The following TRIO variants were observed in gnomAD, a reference collection of about 807,000 sequenced individuals.
TRIO encodes the protein trio Rho guanine nucleotide exchange factor, also known as triple functional domain protein.
TRIO carries 58 observed loss-of-function variants against 351.9 expected under a neutral mutation model. The ratio of observed to expected loss-of-function variants is 0.16; its 90% CI spans 0.13 to 0.21. TRIO has a LOEUF of 0.21. Ranked by LOEUF, TRIO falls within the 10% of genes least tolerant of loss-of-function variation. The pLI, the probability that TRIO is intolerant of heterozygous loss-of-function variation, is 1.00. For synonymous variants in TRIO, 1,758 were observed against 1,595.7 expected, an observed-to-expected ratio of 1.10 and a Z score of -2.42; for missense variants, 3,201 against 4,027.8, an observed-to-expected ratio of 0.79 and a Z score of 5.56.
intron 1 of TRIO, among the ~76,000 whole-genome samples, chr5:14,148,394 T>C (rs557162974): frequency 2.6e-5 from 4 of 152,312 alleles, no homozygotes; most frequent in Middle Eastern, 3.4e-3. Flanking sequence ...ACTTTGTTTA[T>C]TTACTTGACT....
At chr5:14,200,110 C>A (rs569713032) in intron 1 of TRIO, among the ~76,000 whole-genome samples, 5 of 152,114 alleles carry the variant, frequency 3.3e-5, no homozygotes, top group Admixed American at 6.5e-5. Context: ...GTGAGAGAAC[C>A]AGCCAGGACA....
At chr5:14,303,617 A>T (rs1006310360) in intron 7 of TRIO, among the ~76,000 whole-genome samples, 2 of 146,602 alleles carry the variant, frequency 1.4e-5, no homozygotes, top group Non-Finnish European at 3.0e-5. Flanking sequence ...GCAGGAATTG[A>T]TGATCCTGGA....
At chr5:14,476,472 T>A (rs1383520604) in intron 40 of TRIO, among the ~76,000 whole-genome samples, 2 of 152,190 alleles carry the variant, frequency 1.3e-5, no homozygotes, top group East Asian at 3.8e-4. Flanking sequence ...CACTTCACAG[T>A]TGCTCATGTC....
At chr5:14,376,596 C>G (rs1299032804) in intron 19 of TRIO, among the ~76,000 whole-genome samples, 9 of 152,166 alleles carry the variant, frequency 5.9e-5, no homozygotes, top group Non-Finnish European at 8.8e-5. Context: ...ATCTGCTGTT[C>G]TTTTTAATAC....
chr5:14,378,492 G>C (rs1268880146), intron 20 of TRIO, among the ~76,000 whole-genome samples: 3 of 151,514 alleles, frequency 2.0e-5, no homozygotes, highest in Admixed American at 1.3e-4. Context: ...TCAAGACAAA[G>C]TTTTTATTTT....
At chr5:14,462,101 G>T (rs1025623474) in intron 35 of TRIO, among the ~76,000 whole-genome samples, 2 of 152,324 alleles carry the variant, frequency 1.3e-5, no homozygotes, top group African/African-American at 4.8e-5. Flanking sequence ...AAAAAGAAAA[G>T]GCAGAGAGTG....
chr5:14,252,014 A>T (rs973630237), intron 1 of TRIO, among the ~76,000 whole-genome samples: 5 of 151,650 alleles, frequency 3.3e-5, no homozygotes, highest in African/African-American at 1.2e-4. Context: ...TACCTCCTTA[A>T]CCAGATGCTG....
At chr5:14,386,572 G>A (rs766967000) in intron 21 of TRIO, among the ~76,000 whole-genome samples, 20 of 152,306 alleles carry the variant, frequency 1.3e-4, no homozygotes, top group Non-Finnish European at 2.5e-4. Context: ...CCATAGAAGA[G>A]GAGTAACTCA....
At chr5:14,204,394 A>C (rs541953980) in intron 1 of TRIO, among the ~76,000 whole-genome samples, 1 of 151,616 alleles carries the variant, frequency 6.6e-6, no homozygotes, top group South Asian at 2.1e-4. Context: ...GTGTGAACTT[A>C]CTCCTTTTTT....
intron 9 of TRIO, among the ~76,000 whole-genome samples, chr5:14,329,958 C>G (rs1489184053): frequency 9.9e-5 from 15 of 152,114 alleles, no homozygotes; most frequent in Non-Finnish European, 1.9e-4. Flanking sequence ...GATGCGGAAC[C>G]CTTCTGTACG....
At chr5:14,381,065 C>G in intron 20 of TRIO, 65 bp from the exon 21 acceptor site, 4 of 1,543,570 alleles carry the variant, frequency 2.6e-6, no homozygotes, top group Admixed American at 2.1e-5. Context: ...ATGAGGTGCT[C>G]GGGGCTTTGG....
intron 8 of TRIO, among the ~76,000 whole-genome samples, chr5:14,312,174 A>G (rs565386096): frequency 2.0e-5 from 3 of 152,212 alleles, no homozygotes; most frequent in Non-Finnish European, 2.9e-5. Context: ...AGAATAGGCA[A>G]ATCTCTGAAG....
intron 46 of TRIO, 86 bp from the exon 47 acceptor site, chr5:14,484,983 C>T (rs1181828349): frequency 7.4e-7 from 1 of 1,357,604 alleles, no homozygotes; most frequent in African/African-American, 1.5e-5. Flanking sequence ...CCCACATTTT[C>T]TTTGTCCATT....
chr5:14,416,713 C>G (rs1161998078), intron 33 of TRIO, among the ~76,000 whole-genome samples: 1 of 152,210 alleles, frequency 6.6e-6, no homozygotes, highest in East Asian at 1.9e-4. Flanking sequence ...CTAGCTTAAT[C>G]CTCCTTCTTC....
intron 1 of TRIO, among the ~76,000 whole-genome samples, chr5:14,265,972 G>A (rs978275033): frequency 6.6e-6 from 1 of 152,172 alleles, no homozygotes; most frequent in African/African-American, 2.4e-5. Context: ...TTGGGTAGGG[G>A]TTCAGGGTCA....
At chr5:14,329,029 G>A (rs951396800) in intron 9 of TRIO, among the ~76,000 whole-genome samples, 1 of 152,216 alleles carries the variant, frequency 6.6e-6, no homozygotes, top group African/African-American at 2.4e-5. Flanking sequence ...CAGATGTGAA[G>A]GTCAGTGGTT....
At chr5:14,490,074 C>G (rs868448985) in intron 48 of TRIO, among the ~76,000 whole-genome samples, 1 of 152,156 alleles carries the variant, frequency 6.6e-6, no homozygotes, top group Non-Finnish European at 1.5e-5. Flanking sequence ...GTCAGGAGTT[C>G]GAGGCCAGCA....
chr5:14,216,429 T>G (rs1792232666), intron 1 of TRIO, among the ~76,000 whole-genome samples: 1 of 152,206 alleles, frequency 6.6e-6, no homozygotes, highest in Non-Finnish European at 1.5e-5. Context: ...AACAACAAGG[T>G]GGTTTTTCTC....
intron 8 of TRIO, among the ~76,000 whole-genome samples, chr5:14,313,557 A>C (rs940871628): frequency 2.6e-5 from 4 of 152,128 alleles, no homozygotes; most frequent in Non-Finnish European, 4.4e-5. Flanking sequence ...TTGCAAAACA[A>C]TGGCTTAAGA....
Sources: allele counts gnomAD v4.1 joint callset (sites outside exome capture counted in the v4.1 genomes callset), GRCh38; gene constraint gnomAD v4.1.1; transcripts MANE v1.5; gene names NCBI Gene and HGNC (gene_info 2026-07-23, HGNC 2026-07-21).